The following AKAP9 variants were observed in gnomAD, a reference collection of about 807,000 sequenced individuals.
AKAP9 encodes A-kinase anchor protein 9.
Under a neutral mutation model 488.5 loss-of-function variants are expected in AKAP9, and 311 were observed. That is an observed-to-expected ratio of 0.64 (90% confidence interval 0.58 to 0.70). AKAP9 has a LOEUF of 0.70. Among genes scored for constraint, AKAP9 ranks in the 30% least tolerant of loss-of-function variants. The pLI is 0.00. For synonymous variants in AKAP9, 1,462 were observed against 1,483.5 expected (o/e 0.99, Z 0.33); for missense variants, 4,215 against 4,374.5 (o/e 0.96, Z 1.03).
Position 92,100,712 on chromosome 7 carries a change from C to T in AKAP9, c.10897-144C>T, listed in dbSNP as rs574943752. ...ATGTACTTAAGAGTTAGTGTATATG[C>T]GTAATGTCAATTGAGATTGGCTTTG... On this transcript the variant is annotated intron_variant, in intron 44 of 49. Transcript: ENST00000356239. The T allele has an allele frequency of 4.7e-6, 4 of 856,484 alleles. No individual in the cohort carries two copies. The African/African-American group carries it at 5.0e-5, about 11-fold the overall frequency. 53.1% of individuals were successfully genotyped at this position (856,484 alleles called of 1,614,324 possible).
At chr7:92,015,605 C>T (rs1308130437) in intron 10 of AKAP9, among the ~76,000 whole-genome samples, 3 of 152,044 alleles carry the variant, frequency 2.0e-5, no homozygotes, top group African/African-American at 7.2e-5. Flanking sequence ...CTCAGGTGAT[C>T]CACCTTCCTC....
chr7:91,960,179 A>G (rs1793558658), intron 1 of AKAP9, among the ~76,000 whole-genome samples: 2 of 152,232 alleles, frequency 1.3e-5, no homozygotes, highest in South Asian at 4.1e-4. Context: ...ATTTACTGCT[A>G]TTTTTGAATA....
intron 45 of AKAP9, among the ~76,000 whole-genome samples, chr7:92,101,733 G>A (rs9691325): frequency 0.42 from 63,489 of 151,990 alleles, 13,770 homozygotes; most frequent in African/African-American, 0.52. Flanking sequence ...AAGCCTCTCC[G>A]GTGACTAATA....
chr7:92,110,022 T>C (rs776675145), intron 49 of AKAP9, 100 bp from the exon 50 acceptor site: 180 of 923,204 alleles, frequency 1.9e-4, no homozygotes, highest in Non-Finnish European at 3.0e-4. Flanking sequence ...TTTAAAAAAA[T>C]GGAGAATAAT....
intron 22 of AKAP9, among the ~76,000 whole-genome samples, chr7:92,055,710 G>A (rs547721601): frequency 6.6e-6 from 1 of 152,054 alleles, no homozygotes; most frequent in South Asian, 2.1e-4. Flanking sequence ...GAAGTTTTAT[G>A]TGCTTTCTAA....
At chr7:91,993,158 T>G in intron 5 of AKAP9, 103 bp downstream of exon 5, 1 of 1,275,974 alleles carries the variant, frequency 7.8e-7, no homozygotes, top group South Asian at 1.4e-5. Context: ...AAATTTTTTT[T>G]TAACTTTTTT....
chr7:91,974,560 C>T (rs181181875), intron 2 of AKAP9, among the ~76,000 whole-genome samples: 1 of 152,150 alleles, frequency 6.6e-6, no homozygotes, highest in Non-Finnish European at 1.5e-5. Context: ...CAACTTTCTT[C>T]TCTTTTGGGA....
intron 16 of AKAP9, among the ~76,000 whole-genome samples, chr7:92,035,916 T>A (rs1355865556): frequency 6.7e-6 from 1 of 149,884 alleles, no homozygotes; most frequent in Non-Finnish European, 1.5e-5. Flanking sequence ...TTTACCCACA[T>A]TTTTTTTTTA....
intron 1 of AKAP9, among the ~76,000 whole-genome samples, chr7:91,951,101 T>G (rs1370186526): frequency 2.0e-5 from 3 of 147,872 alleles, no homozygotes; most frequent in South Asian, 2.1e-4. Flanking sequence ...TAATTTGAGG[T>G]TTTTTTTTTA....
rs1245200354 is a variant in AKAP9 at position 92,079,059 on chromosome 7, C to T, written c.6946-20C>T. ...AAATACATATATATTATGTATGTTACCTTTTTCATTAATTATTAGGTTATT... is the reference window on the plus strand; with the variant it reads ...AAATACATATATATTATGTATGTTATCTTTTTCATTAATTATTAGGTTATT... On this transcript the variant is annotated intron_variant, in intron 30 of 49. Transcript: ENST00000356239. 1.3e-6 allele frequency: 2 copies of T among 1,522,364 alleles called. No individual in the cohort carries two copies. The highest frequency in any genetic ancestry group is 8.9e-7 in the Non-Finnish European group (1 of 1,117,656). 94.3% of individuals were successfully genotyped at this position (1,522,364 alleles called of 1,614,324 possible). A position where few individuals can be genotyped will look rare whatever the true frequency, so the allele number is the denominator to read the frequency against.
chr7:92,029,935 C>T lies in AKAP9; in HGVS notation c.4189C>T (p.Gln1397Ter). Residue 1397 changes from glutamine to a stop codon, truncating the protein, a stop_gained, in exon 15 of 50, where the codon CAG (glutamine) becomes TAG (stop). Transcript: ENST00000356239. LOFTEE classifies it high-confidence loss of function. ...DSVVITESDA[Q>*]RTMYPGSCVK... ...GGTGGTAATTACAGAATCTGATGCA[C>T]AGAGAACAATGTACCCTGGAAGTTG... The T allele has an allele frequency of 6.2e-7, 1 of 1,613,080 alleles. No homozygotes were observed. Among genetic ancestry groups the T allele is most frequent in the Non-Finnish European group, 8.5e-7 (1 of 1,179,340 alleles).
In AKAP9 at chr7:92,000,996, G is replaced by A; in HGVS notation, c.1079G>A (p.Gly360Glu). 1.3e-6 allele frequency: 2 copies of A among 1,546,880 alleles called. No individual in the cohort carries two copies. The highest frequency in any genetic ancestry group is 1.7e-6 in the Non-Finnish European group (2 of 1,147,938). The change falls in exon 8 of 50, where the codon GGA (glycine) becomes GAA (glutamate). Residue 360 changes from glycine to glutamate, a missense_variant. Coordinates refer to ENST00000356239, the MANE Select transcript of AKAP9 (RefSeq NM_005751.5). ...TTAACAACTGCTGATAAATTACTAG[G>A]AGAATTACAAGAACAGATTGTGCAA... ...DKLTTADKLLGELQEQIVQKN... is the reference protein window; with the variant it reads ...DKLTTADKLLEELQEQIVQKN...
At chr7:92,045,696 T>C (rs1158072515) in intron 21 of AKAP9, among the ~76,000 whole-genome samples, 1 of 152,192 alleles carries the variant, frequency 6.6e-6, no homozygotes, top group African/African-American at 2.4e-5. Context: ...GCTAGATTCT[T>C]TCTTCCTTTT....
Position 92,097,370 on chromosome 7 carries a change from T to G in AKAP9, c.10398+13T>G, listed in dbSNP as rs1563140822. 3.7e-6 allele frequency: 6 copies of G among 1,611,556 alleles called. No homozygotes were observed. The highest frequency in any genetic ancestry group is 5.1e-6 in the Non-Finnish European group (6 of 1,178,862). The stretch of plus-strand genomic sequence containing the variant: ...GAACCTTAATGAGGTAAACTGACAG[T>G]TTCTTTTTAGATATTTTTAAGGAAA... On this transcript the variant is annotated intron_variant, in intron 41 of 49. Coordinates refer to ENST00000356239, the MANE Select transcript of AKAP9 (RefSeq NM_005751.5).
At chr7:92,006,432 T>C (rs886780304) in intron 8 of AKAP9, among the ~76,000 whole-genome samples, 7 of 152,176 alleles carry the variant, frequency 4.6e-5, no homozygotes, top group Non-Finnish European at 1.0e-4. Context: ...ATTACAGGCA[T>C]GAGTCTTTGT....
chr7:92,068,159 G>T (rs1487172681), intron 26 of AKAP9, among the ~76,000 whole-genome samples: 1 of 151,292 alleles, frequency 6.6e-6, no homozygotes, highest in Non-Finnish European at 1.5e-5. Context: ...AGGAGATCGT[G>T]ACCATCCTGG....
At position 91,989,739 on chromosome 7, in the gene AKAP9, A is replaced by C. The variant is rs1321191266; in HGVS notation, c.352-2419A>C. Among the ~76,000 whole-genome samples, 4 of 152,202 alleles carry C rather than the reference A, an allele frequency of 2.6e-5. No individual in the cohort carries two copies. The East Asian group carries it at 5.8e-4, about 22-fold the overall frequency. On this transcript the variant is annotated intron_variant, in intron 3 of 49. Coordinates refer to ENST00000356239, the MANE Select transcript of AKAP9 (RefSeq NM_005751.5). ...GGCACATTGAACTCTTATAATTTTC[A>C]TGAACTTTTATGAGCCATCAGATTT...
At position 92,013,548 on chromosome 7, in the gene AKAP9, C is replaced by T. The variant is rs187485681; in HGVS notation, c.3533-701C>T. ...TTTTTATTTTATGATGACACCACTG[C>T]GGTGAGTTGGGGGAGGTAAGAGTAG... On this transcript the variant is annotated intron_variant, in intron 9 of 49. Transcript: ENST00000356239. Among the ~76,000 whole-genome samples the T allele has an allele frequency of 2.1e-3, 321 of 152,164 alleles. 9 individuals are homozygous for T. The highest frequency in any genetic ancestry group is 6.6e-4 in the Non-Finnish European group (45 of 68,008).
At chr7:91,974,847 A>T (rs1051418869) in intron 2 of AKAP9, among the ~76,000 whole-genome samples, 2 of 151,252 alleles carry the variant, frequency 1.3e-5, no homozygotes, top group East Asian at 1.9e-4. Context: ...TTTTTATTTT[A>T]ATTTTCATTT....
Sources: gnomAD v4.1 joint callset for allele counts (sites outside exome capture counted in the v4.1 genomes callset) on GRCh38, gnomAD v4.1.1 for gene constraint, MANE v1.5 for transcripts, NCBI Gene and HGNC (gene_info 2026-07-23, HGNC 2026-07-21) for gene names.